PCNX2: variants seen among roughly 807,000 people sequenced by gnomAD.
PCNX2 encodes the protein pecanex-like protein 2.
In PCNX2, 168 loss-of-function variants were observed where a neutral mutation model predicts 223.8. The ratio of observed to expected loss-of-function variants is 0.75; its 90% CI spans 0.66 to 0.85. The LOEUF (loss-of-function observed/expected upper bound fraction) is 0.85, where lower values mean the gene tolerates loss of function less well. PCNX2 is among the 40% of genes least tolerant of loss of function. PCNX2 has a pLI of 0.00. For synonymous variants in PCNX2, 1,006 were observed against 1,052.6 expected (o/e 0.96, Z 0.86); for missense variants, 2,507 against 2,675.5 (o/e 0.94, Z 1.39).
At chr1:233,063,925 T>C (rs1672496479) in intron 23 of PCNX2, among the ~76,000 whole-genome samples, 1 of 152,192 alleles carries the variant, frequency 6.6e-6, no homozygotes, top group Non-Finnish European at 1.5e-5. Flanking sequence ...TATTACAGTA[T>C]ACATTTTAAT....
intron 8 of PCNX2, among the ~76,000 whole-genome samples, chr1:233,242,105 G>T (rs1658806037): frequency 1.3e-5 from 2 of 152,152 alleles, no homozygotes; most frequent in Admixed American, 1.3e-4. Context: ...AGGTAGTAAA[G>T]ATTAAGTACA....
At chr1:233,017,206 T>G in intron 26 of PCNX2, 52 bp from the exon 27 acceptor site, 1 of 854,618 alleles carries the variant, frequency 1.2e-6, no homozygotes, top group African/African-American at 4.1e-5. Context: ...TCTTAGAAAG[T>G]AAATCAACCT....
At chr1:233,161,959 T>TA (rs1263184256) in intron 17 of PCNX2, among the ~76,000 whole-genome samples, 1,608 of 148,010 alleles carry the variant, frequency 0.011, 28 homozygotes, top group African/African-American at 0.036. Context: ...AAAATTATTT[T>TA]TTATATATAT....
At chr1:233,185,912 T>A (rs1680070244) in intron 15 of PCNX2, among the ~76,000 whole-genome samples, 1 of 152,180 alleles carries the variant, frequency 6.6e-6, no homozygotes, top group Admixed American at 6.5e-5. Flanking sequence ...GAAATATTTT[T>A]ATGAGGTAGT....
chr1:233,192,955 A>G (rs1033723544), intron 15 of PCNX2, among the ~76,000 whole-genome samples: 3 of 148,968 alleles, frequency 2.0e-5, no homozygotes, highest in African/African-American at 7.3e-5. Context: ...TCTTACTGTA[A>G]CAATAAATAC....
intron 21 of PCNX2, among the ~76,000 whole-genome samples, chr1:233,109,604 G>C (rs1178583501): frequency 6.6e-6 from 1 of 152,208 alleles, no homozygotes; most frequent in Non-Finnish European, 1.5e-5. Flanking sequence ...CATGAAGACA[G>C]GTCAGCAGCA....
chr1:233,047,451 C>G, intron 25 of PCNX2: 1 of 958,282 alleles, frequency 1.0e-6, no homozygotes, highest in Non-Finnish European at 1.2e-6. Context: ...GAACTTGTGA[C>G]AGAAACTACA....
At chr1:233,089,290 G>A (rs912558200) in intron 23 of PCNX2, among the ~76,000 whole-genome samples, 2 of 152,158 alleles carry the variant, frequency 1.3e-5, no homozygotes, top group Admixed American at 1.3e-4. Context: ...CCAACACATG[G>A]AGCAATGCAA....
chr1:233,175,416 G>T (rs1004153037), intron 17 of PCNX2, among the ~76,000 whole-genome samples: 1 of 152,152 alleles, frequency 6.6e-6, no homozygotes, highest in African/African-American at 2.4e-5. Context: ...ATCAACCTCT[G>T]CTGGGCAAAT....
rs1328403128 is a variant in PCNX2, at chr1:232,984,722, C to T, written c.6241-245G>A. On this transcript the variant is annotated intron_variant, in intron 33 of 33. Transcript: ENST00000258229. ...ACGTGGGCCTTTCTGGATGACTGCG[C>T]TGGAAAGAGCGGCCCTGGGGGGAAG... 1.3e-5 allele frequency: 6 copies of T among 452,168 alleles called. No homozygotes were observed. The East Asian group carries it at 2.4e-4, about 18-fold the overall frequency. The allele number at this position is 452,168 out of a possible 1,614,324, so 28.0% of individuals were successfully genotyped here. A position where few individuals can be genotyped will look rare whatever the true frequency, so the allele number is the denominator to read the frequency against.
At chr1:233,040,727 C>T (rs768752939) in intron 25 of PCNX2, among the ~76,000 whole-genome samples, 6 of 152,122 alleles carry the variant, frequency 3.9e-5, no homozygotes, top group Non-Finnish European at 7.4e-5. Flanking sequence ...TGTCAATATA[C>T]ATAGAGATGC....
At position 233,198,985 on chromosome 1, in the gene PCNX2, A is replaced by G. The variant is rs1680897279; in HGVS notation, c.3020T>C (p.Val1007Ala). The G allele has an allele frequency of 2.5e-6, 4 of 1,605,948 alleles. No individual in the cohort carries two copies. Among genetic ancestry groups the G allele is most frequent in the Non-Finnish European group, 3.4e-6 (4 of 1,176,698 alleles). ...TSAVYSVARS[V>A]LAAALLHAVC... is the part of the protein sequence containing the mutation. ...TGCGTGGAGCAGGGCGGCAGCCAAG[A>G]CGCTCCGGGCCACACTGTAAACAGC... Residue 1007 changes from valine to alanine, a missense_variant, in exon 15 of 34, where the codon GTC (valine) becomes GCC (alanine). This residue lies in a region of PCNX2 where 1,372 missense variants were observed against 1,509.4 expected (regional missense o/e 0.91). Coordinates refer to ENST00000258229, the MANE Select transcript of PCNX2 (RefSeq NM_014801.4).
intron 25 of PCNX2, among the ~76,000 whole-genome samples, chr1:233,030,692 G>C (rs1671233042): frequency 6.6e-6 from 1 of 152,112 alleles, no homozygotes; most frequent in Admixed American, 6.6e-5. Context: ...TGGTCTTTTG[G>C]GGGTCTCAAC....
intron 20 of PCNX2, among the ~76,000 whole-genome samples, chr1:233,135,870 G>A (rs1377115582): frequency 6.6e-6 from 1 of 152,122 alleles, no homozygotes; most frequent in Admixed American, 6.5e-5. Flanking sequence ...CATAGAATGG[G>A]CCTTTTCAGT....
intron 19 of PCNX2, among the ~76,000 whole-genome samples, chr1:233,150,575 C>T (rs1462502129): frequency 2.0e-5 from 3 of 152,114 alleles, no homozygotes; most frequent in Non-Finnish European, 4.4e-5. Context: ...TTTTCTCTTC[C>T]TCAACCAAGA....
intron 25 of PCNX2, among the ~76,000 whole-genome samples, chr1:233,025,939 CA>C (rs1671065443): frequency 1.3e-5 from 2 of 152,170 alleles, no homozygotes; most frequent in South Asian, 4.2e-4. Context: ...AGTAAACACA[CA>C]AACAAATAAA....
intron 21 of PCNX2, among the ~76,000 whole-genome samples, chr1:233,132,097 C>T (rs1043792081): frequency 7.2e-5 from 11 of 151,980 alleles, no homozygotes; most frequent in South Asian, 2.1e-4. Flanking sequence ...CCACCACGCC[C>T]GGCTAAATTT....
intron 28 of PCNX2, among the ~76,000 whole-genome samples, chr1:233,004,053 G>A (rs1199391305): frequency 1.3e-5 from 2 of 152,062 alleles, no homozygotes; most frequent in Non-Finnish European, 2.9e-5. Flanking sequence ...AACTAATGTA[G>A]ATGACGGATT....
At chr1:232,989,766 CG>C (rs1338192910) in intron 32 of PCNX2, among the ~76,000 whole-genome samples, 3 of 152,196 alleles carry the variant, frequency 2.0e-5, no homozygotes, top group Non-Finnish European at 4.4e-5. Context: ...TCAGAAAGTT[CG>C]GGGTGGGTAC....
Sources: allele counts gnomAD v4.1 joint callset (sites outside exome capture counted in the v4.1 genomes callset), GRCh38; gene constraint gnomAD v4.1.1; regional missense constraint gnomAD v4.1.1; transcripts MANE v1.5; gene names NCBI Gene and HGNC (gene_info 2026-07-23, HGNC 2026-07-21).